The following MALRD1 variants were observed in gnomAD, a reference collection of about 807,000 sequenced individuals.
MALRD1 encodes the protein MAM and LDL receptor class A domain containing 1.
A neutral mutation model predicts 242.1 loss-of-function variants in MALRD1; 247 were observed. The observed-to-expected ratio is 1.02, with a 90% CI of 0.92 to 1.13. MALRD1 has a LOEUF of 1.13. Ranked by LOEUF, MALRD1 falls within the 50% of genes most tolerant of loss-of-function variation. The pLI, the probability that MALRD1 is intolerant of heterozygous loss-of-function variation, is 0.00. For synonymous variants in MALRD1, 995 were observed against 866.6 expected, an observed-to-expected ratio of 1.15 and a Z score of -2.60; for missense variants, 2,989 against 2,533.1, an observed-to-expected ratio of 1.18 and a Z score of -3.86.
intron 5 of MALRD1, 118 bp from the exon 6 acceptor site, chr10:19,123,374 A>G (rs565901418): frequency 2.3e-6 from 1 of 434,444 alleles, no homozygotes; most frequent in African/African-American, 2.0e-5. Context: ...TGATGATACC[A>G]TAAAGAGAAA....
chr10:19,647,950 T>A (rs905292104), intron 36 of MALRD1, among the ~76,000 whole-genome samples: 3 of 152,120 alleles, frequency 2.0e-5, no homozygotes, highest in African/African-American at 7.2e-5. Flanking sequence ...TTGCAGACTC[T>A]CTGCCTGGGG....
intron 26 of MALRD1, among the ~76,000 whole-genome samples, chr10:19,385,913 C>G (rs2130801715): frequency 6.6e-6 from 1 of 152,100 alleles, no homozygotes; most frequent in South Asian, 2.1e-4. Context: ...AAGTTTTGCT[C>G]TGTTGTGTTT....
Position 19,677,430 on chromosome 10 carries a change from A to T in MALRD1, c.6138-14852A>T, listed in dbSNP as rs184756982. ...AATGATCAGTGATGTTGAGCTTTTTAAAAGTATATGTTTGTTGGCTGCATA... is the reference window on the plus strand; with the variant it reads ...AATGATCAGTGATGTTGAGCTTTTTTAAAGTATATGTTTGTTGGCTGCATA... On this transcript the variant is annotated intron_variant, in intron 36 of 39. Transcript: ENST00000454679. Among the ~76,000 whole-genome samples, 18 of 152,140 alleles carry T rather than the reference A, an allele frequency of 1.2e-4. No individual in the cohort carries two copies. The East Asian group carries it at 3.5e-3, about 29-fold the overall frequency.
intron 39 of MALRD1, among the ~76,000 whole-genome samples, chr10:19,731,250 G>A (rs1455123591): frequency 6.6e-6 from 1 of 152,152 alleles, no homozygotes; most frequent in Non-Finnish European, 1.5e-5. Context: ...AAATGAGAAT[G>A]TATTACATCT....
chr10:19,315,201 A>T (rs1431249131), intron 21 of MALRD1, among the ~76,000 whole-genome samples: 1 of 122,824 alleles, frequency 8.1e-6, no homozygotes, highest in Non-Finnish European at 1.6e-5. Context: ...TAATTTATAG[A>T]AATATAATTT....
At chr10:19,079,905 A>G (rs1835429751) in intron 2 of MALRD1, among the ~76,000 whole-genome samples, 1 of 152,028 alleles carries the variant, frequency 6.6e-6, no homozygotes, top group Non-Finnish European at 1.5e-5. Context: ...TTAAGCTGAT[A>G]AGCAACTTCA....
intron 17 of MALRD1, among the ~76,000 whole-genome samples, chr10:19,208,787 G>A (rs1231304203): frequency 2.6e-5 from 4 of 152,158 alleles, no homozygotes; most frequent in South Asian, 2.1e-4. Context: ...AGGGAGCTTC[G>A]AAAAAATCCT....
chr10:19,260,231 C>G (rs1839687431), intron 19 of MALRD1, among the ~76,000 whole-genome samples: 1 of 152,144 alleles, frequency 6.6e-6, no homozygotes, highest in African/African-American at 2.4e-5. Context: ...TTCTTGCTCT[C>G]AAGCGTGTAG....
At chr10:19,541,139 T>TC (rs1564426577) in intron 32 of MALRD1, among the ~76,000 whole-genome samples, 1 of 152,234 alleles carries the variant, frequency 6.6e-6, no homozygotes, top group Non-Finnish European at 1.5e-5. Context: ...GTCTCTAAAT[T>TC]TATTCATTTT....
At chr10:19,534,729 C>G (rs1258390602) in intron 32 of MALRD1, among the ~76,000 whole-genome samples, 2 of 151,832 alleles carry the variant, frequency 1.3e-5, no homozygotes, top group Non-Finnish European at 2.9e-5. Flanking sequence ...GCTAGCTGGA[C>G]TATCAGTTTG....
At chr10:19,413,787 G>A (rs1235156655) in intron 28 of MALRD1, among the ~76,000 whole-genome samples, 1 of 151,734 alleles carries the variant, frequency 6.6e-6, no homozygotes, top group Non-Finnish European at 1.5e-5. Flanking sequence ...TTTGAGACCA[G>A]CCTGGCCAAT....
chr10:19,200,851 A>C (rs1836504922), intron 14 of MALRD1, among the ~76,000 whole-genome samples: 1 of 151,900 alleles, frequency 6.6e-6, no homozygotes, highest in African/African-American at 2.4e-5. Context: ...CAGCAACTAA[A>C]AGCTGCTGTA....
intron 34 of MALRD1, 117 bp from the exon 35 acceptor site, chr10:19,607,660 C>T: frequency 7.0e-6 from 9 of 1,282,854 alleles, no homozygotes; most frequent in Non-Finnish European, 9.3e-6. Context: ...AAATATCAGA[C>T]TAGAAAAAAT....
chr10:19,712,745 A>C (rs1371682534), intron 38 of MALRD1, among the ~76,000 whole-genome samples: 1 of 152,346 alleles, frequency 6.6e-6, no homozygotes, highest in Admixed American at 6.5e-5. Context: ...AAGGTTAGAC[A>C]GTACCTGGAC....
At chr10:19,430,825 G>A (rs578246105) in intron 28 of MALRD1, among the ~76,000 whole-genome samples, 3 of 152,178 alleles carry the variant, frequency 2.0e-5, no homozygotes, top group South Asian at 2.1e-4. Flanking sequence ...TGCCTTGTTC[G>A]AATTTGTGTA....
chr10:19,503,238 A>G (rs932720556), intron 31 of MALRD1, among the ~76,000 whole-genome samples: 2 of 152,242 alleles, frequency 1.3e-5, no homozygotes, highest in African/African-American at 4.8e-5. Flanking sequence ...ATAAATTGTA[A>G]GGACATTAAT....
At chr10:19,369,173 A>C (rs1411521325) in intron 26 of MALRD1, among the ~76,000 whole-genome samples, 1 of 89,132 alleles carries the variant, frequency 1.1e-5, no homozygotes, top group African/African-American at 4.5e-5. Context: ...ATTTATATAT[A>C]AACTAATATA....
intron 28 of MALRD1, among the ~76,000 whole-genome samples, chr10:19,430,118 T>TTTTTTA (rs1834065811): frequency 7.8e-6 from 1 of 128,716 alleles, no homozygotes; most frequent in Non-Finnish European, 1.6e-5. Context: ...TTCCTTTTTT[T>TTTTTTA]TTTTTTTTTT....
chr10:19,365,750 G>T (rs908266797), intron 26 of MALRD1, among the ~76,000 whole-genome samples: 1 of 149,118 alleles, frequency 6.7e-6, no homozygotes, highest in Non-Finnish European at 1.5e-5. Context: ...AGACTTACTT[G>T]GATCTTCTCA....
Sources: gnomAD v4.1 joint callset for allele counts (sites outside exome capture counted in the v4.1 genomes callset) on GRCh38, gnomAD v4.1.1 for gene constraint, MANE v1.5 for transcripts, NCBI Gene and HGNC (gene_info 2026-07-23, HGNC 2026-07-21) for gene names.